Variants in FAT4 observed in about 807,000 individuals in gnomAD.
FAT4 encodes the protein protocadherin Fat 4.
A neutral mutation model predicts 303.9 loss-of-function variants in FAT4; 84 were observed. The ratio of observed to expected loss-of-function variants is 0.28; its 90% CI spans 0.23 to 0.33. The LOEUF is 0.33. Ranked by LOEUF, FAT4 falls within the 10% of genes least tolerant of loss-of-function variation. FAT4 has a pLI of 1.00. For missense variants in FAT4, 6,005 were observed against 6,146.8 expected, an observed-to-expected ratio of 0.98 and a Z score of 0.77; for synonymous variants, 2,307 against 2,298.8, an observed-to-expected ratio of 1.00 and a Z score of -0.10.
chr4:125,325,504 AG>A (rs1731116942), intron 2 of FAT4, among the ~76,000 whole-genome samples: 2 of 152,206 alleles, frequency 1.3e-5, no homozygotes, highest in African/African-American at 2.4e-5. Context: ...ATATTTAAAA[AG>A]AAACAGTTGC....
At chr4:125,371,165 AAG>A (rs1184989244) in intron 2 of FAT4, among the ~76,000 whole-genome samples, 9 of 150,890 alleles carry the variant, frequency 6.0e-5, no homozygotes, top group East Asian at 1.9e-4. Flanking sequence ...AAAAAAAAAA[AAG>A]AAGAAGTTTA....
At chr4:125,484,255 C>T (rs1179119650) in intron 16 of FAT4, among the ~76,000 whole-genome samples, 1 of 151,736 alleles carries the variant, frequency 6.6e-6, no homozygotes, top group Non-Finnish European at 1.5e-5. Context: ...TGGGTCTATT[C>T]AGAAAAAGAA....
chr4:125,463,277 A>G (rs1726544154), intron 10 of FAT4, among the ~76,000 whole-genome samples: 1 of 152,044 alleles, frequency 6.6e-6, no homozygotes, highest in Admixed American at 6.6e-5. Context: ...CAGTGAAAGC[A>G]TTTAAATATG....
chr4:125,431,994 T>G (rs1725298907), intron 7 of FAT4, among the ~76,000 whole-genome samples: 1 of 152,158 alleles, frequency 6.6e-6, no homozygotes, highest in Non-Finnish European at 1.5e-5. Flanking sequence ...CACTCCAAAC[T>G]GTTTATTTTA....
At chr4:125,330,002 T>A (rs1025856830) in intron 2 of FAT4, among the ~76,000 whole-genome samples, 1 of 152,218 alleles carries the variant, frequency 6.6e-6, no homozygotes, top group Non-Finnish European at 1.5e-5. Flanking sequence ...GACACCATCA[T>A]TCTTCCCTTG....
intron 2 of FAT4, among the ~76,000 whole-genome samples, chr4:125,330,397 GT>G (rs1731335319): frequency 1.3e-5 from 2 of 152,162 alleles, no homozygotes; most frequent in South Asian, 4.1e-4. Context: ...CATGTTAAAT[GT>G]TGGAATGCCC....
In FAT4 at chr4:125,318,472, T is replaced by C. The variant is rs1242127780; in HGVS notation, c.2061T>C (p.Pro687=). 1.2e-6 allele frequency: 2 copies of C among 1,614,168 alleles called. No individual in the cohort carries two copies. Among genetic ancestry groups the C allele is most frequent in the Non-Finnish European group, 1.7e-6 (2 of 1,180,044 alleles). The change falls in exon 2 of 18, where the codon CCT becomes CCC. Residue 687 remains proline, a synonymous_variant. Transcript: ENST00000394329. ...TTCTGGATATAAATGATAACAGCCC[T>C]GTCTTCTACCCGGTCCAATACTTTG... ...VSLLDINDNS[P]VFYPVQYFAH...
chr4:125,334,226 A>G lies in FAT4; in HGVS notation c.5175+12640A>G, dbSNP rs149604505. On this transcript the variant is annotated intron_variant, in intron 2 of 17. Coordinates refer to ENST00000394329, the MANE Select transcript of FAT4 (RefSeq NM_001291303.3). ...CAGCATCCTCCCAAAGACATCTCCC[A>G]AAAACATGGAATTTAAAGTAAAAGA... Among the ~76,000 whole-genome samples, 1,464 of 152,154 alleles carry G rather than the reference A, an allele frequency of 9.6e-3. 24 individuals are homozygous for G. Among genetic ancestry groups the G allele is most frequent in the African/African-American group, 0.034 (1,393 of 41,512 alleles).
At chr4:125,393,433 A>G (rs1377730925) in intron 2 of FAT4, among the ~76,000 whole-genome samples, 3 of 152,152 alleles carry the variant, frequency 2.0e-5, no homozygotes, top group Non-Finnish European at 4.4e-5. Flanking sequence ...AGCATGTTTT[A>G]TCATTAGATC....
chr4:125,451,769 G>A lies in FAT4; in HGVS notation c.10759G>A (p.Val3587Ile), dbSNP rs1726084895. The A allele has an allele frequency of 1.2e-6, 2 of 1,614,026 alleles. No individual in the cohort carries two copies. The highest frequency in any genetic ancestry group is 3.3e-5 in the Admixed American group (2 of 60,008). ...GATTGCAGACTTCTATCTGTCTGTG[G>A]TTACCAAGGATTCTGGTGTTCCTCA... ...EQIADFYLSV[V>I]TKDSGVPQMS... The change falls in exon 10 of 18, where the codon GTT becomes ATT. Residue 3587 changes from valine (V) to isoleucine (I), a missense_variant. By Grantham distance (29) the Val-to-Ile change is conservative (BLOSUM62 3). Transcript: ENST00000394329.
rs1403937201 is a variant in FAT4 at position 125,450,610 on chromosome 4, C to G, written c.9600C>G (p.Asp3200Glu). 7 of 1,614,002 alleles carry G rather than the reference C, an allele frequency of 4.3e-6. No homozygotes were observed. The highest frequency in any genetic ancestry group is 3.3e-5 in the Admixed American group (2 of 59,996). ...ATTCTCCAGTATTCCTCTCTGATGA[C>G]TATTTCCCTACTGTTTTGGAAAATG... ...NDNSPVFLSD[D>E]YFPTVLENAP... The change falls in exon 10 of 18, where the codon GAC becomes GAG. Residue 3200 changes from aspartate (D) to glutamate (E), a missense_variant. Coordinates refer to ENST00000394329, the MANE Select transcript of FAT4 (RefSeq NM_001291303.3).
Position 125,414,950 on chromosome 4 carries a change from A to G in FAT4, c.5987A>G (p.Lys1996Arg), listed in dbSNP as rs140055438. ...GDSLGQFTVD[K>R]NGVLKVLKAL... ...AGCCTTGGGCAGTTTACTGTTGACA[A>G]GAATGGTGTACTCAAAGTCCTAAAA... Residue 1996 changes from lysine (K) to arginine (R), a missense_variant, in exon 6 of 18, where the codon AAG (lysine) becomes AGG (arginine). By Grantham distance (26) the Lys-to-Arg change is conservative. Transcript: ENST00000394329. The G allele has an allele frequency of 1.1e-3, 1,829 of 1,613,814 alleles. 10 individuals carry two copies. Among genetic ancestry groups the G allele is most frequent in the Middle Eastern group, 5.8e-3 (35 of 6,060 alleles).
chr4:125,389,058 G>A (rs927041610), intron 2 of FAT4, among the ~76,000 whole-genome samples: 1 of 151,368 alleles, frequency 6.6e-6, no homozygotes, highest in East Asian at 1.9e-4. Context: ...TATATGAGAA[G>A]TACATTCAGT....
intron 2 of FAT4, among the ~76,000 whole-genome samples, chr4:125,337,684 G>A (rs1731627136): frequency 6.6e-6 from 1 of 152,034 alleles, no homozygotes; most frequent in African/African-American, 2.4e-5. Context: ...ATTATATGGA[G>A]GTTGCTTTAA....
At chr4:125,458,153 A>C (rs2126067059) in intron 10 of FAT4, among the ~76,000 whole-genome samples, 1 of 152,142 alleles carries the variant, frequency 6.6e-6, no homozygotes. Context: ...CAGGTGTAGT[A>C]TTTGGAATAA....
chr4:125,489,371 T>C (rs1441679128), intron 17 of FAT4, among the ~76,000 whole-genome samples: 1 of 152,226 alleles, frequency 6.6e-6, no homozygotes, highest in Non-Finnish European at 1.5e-5. Flanking sequence ...ATCTGCCTTT[T>C]AGAGGCCCAC....
At chr4:125,409,878 T>C (rs1216333043) in intron 5 of FAT4, among the ~76,000 whole-genome samples, 1 of 152,130 alleles carries the variant, frequency 6.6e-6, no homozygotes, top group Admixed American at 6.6e-5. Flanking sequence ...AATTGTCTCA[T>C]CAATATATAA....
chr4:125,431,381 A>G (rs928131598), intron 7 of FAT4, among the ~76,000 whole-genome samples: 2 of 152,200 alleles, frequency 1.3e-5, no homozygotes, highest in African/African-American at 4.8e-5. Context: ...TATTTTTACC[A>G]CAAGTGAATC....
intron 3 of FAT4, among the ~76,000 whole-genome samples, chr4:125,400,494 A>G (rs969282458): frequency 1.3e-5 from 2 of 151,970 alleles, no homozygotes; most frequent in African/African-American, 4.8e-5. Context: ...TATAAATGCA[A>G]TGCTGCCAGC....
Sources: allele counts gnomAD v4.1 joint callset (sites outside exome capture counted in the v4.1 genomes callset), GRCh38; gene constraint gnomAD v4.1.1; transcripts MANE v1.5; gene names NCBI Gene and HGNC (gene_info 2026-07-23, HGNC 2026-07-21).